Variants in ZC3H12B observed in about 807,000 individuals in gnomAD.
The protein encoded by ZC3H12B is probable ribonuclease ZC3H12B.
Under a neutral mutation model 43.9 loss-of-function variants are expected in ZC3H12B, and 7 were observed. That is an observed-to-expected ratio of 0.16 (90% CI 0.09 to 0.30). The LOEUF (loss-of-function observed/expected upper bound fraction) is 0.30, where lower values mean the gene tolerates loss of function less well. ZC3H12B is among the 10% of genes least tolerant of loss of function. The pLI, the probability that ZC3H12B is intolerant of heterozygous loss-of-function variation, is 1.00. For missense variants in ZC3H12B, 475 were observed against 670.2 expected, an observed-to-expected ratio of 0.71 and a Z score of 3.22; for synonymous variants, 222 against 241.7, an observed-to-expected ratio of 0.92 and a Z score of 0.76.
At chrX:65,347,679 G>T in the ZC3H12B span, among the ~76,000 whole-genome samples, 2 of 112,305 alleles carry the variant, frequency 1.8e-5, no homozygotes, top group East Asian at 5.6e-4. Flanking sequence ...TCAGTGTGGC[G>T]ATTCCTCAAG....
the ZC3H12B span, among the ~76,000 whole-genome samples, chrX:65,254,216 C>T: frequency 1.8e-5 from 2 of 112,627 alleles, no homozygotes; most frequent in Non-Finnish European, 3.8e-5. Context: ...ACTGCCACTG[C>T]TGGAAACACC....
At chrX:65,306,708 C>T in the ZC3H12B span, among the ~76,000 whole-genome samples, 2 of 111,807 alleles carry the variant, frequency 1.8e-5, no homozygotes, top group Non-Finnish European at 3.8e-5. Context: ...GAAATGAAAG[C>T]ATAGGTGCAT....
the ZC3H12B span, among the ~76,000 whole-genome samples, chrX:65,310,036 C>T: frequency 8.9e-6 from 1 of 111,868 alleles, no homozygotes; most frequent in Admixed American, 9.5e-5. Flanking sequence ...GACTCACAGC[C>T]AATATCATAC....
chrX:65,158,887 A>T, the ZC3H12B span, among the ~76,000 whole-genome samples: 1 of 111,795 alleles, frequency 8.9e-6, no homozygotes. Context: ...GTTTTCTTCT[A>T]GGGTTTTTAT....
the ZC3H12B span, among the ~76,000 whole-genome samples, chrX:65,167,431 T>C: frequency 8.9e-6 from 1 of 111,797 alleles, no homozygotes; most frequent in Non-Finnish European, 1.9e-5. Context: ...TACCATGCTG[T>C]TTTGGTTACT....
At chrX:65,202,172 A>T in the ZC3H12B span, among the ~76,000 whole-genome samples, 2 of 89,963 alleles carry the variant, frequency 2.2e-5, no homozygotes, top group Non-Finnish European at 4.5e-5. Context: ...TATAATATAT[A>T]TTATATGTAA....
At chrX:65,096,802 G>C in the ZC3H12B span, among the ~76,000 whole-genome samples, 3 of 111,139 alleles carry the variant, frequency 2.7e-5, no homozygotes, top group South Asian at 3.8e-4. Context: ...AAAAATAATC[G>C]TTTTTATATT....
chrX:65,133,593 G>T, the ZC3H12B span, among the ~76,000 whole-genome samples: 2 of 111,629 alleles, frequency 1.8e-5, no homozygotes, highest in Non-Finnish European at 3.8e-5. Context: ...TTGGGCAGGT[G>T]GGGGACAGCT....
chrX:65,266,347 C>A, the ZC3H12B span, among the ~76,000 whole-genome samples: 1 of 111,247 alleles, frequency 9.0e-6, no homozygotes. Flanking sequence ...ACCAAACTAT[C>A]CCTAGAATGA....
chrX:65,057,396 T>C, the ZC3H12B span, among the ~76,000 whole-genome samples: 1 of 111,871 alleles, frequency 8.9e-6, no homozygotes. Flanking sequence ...TTCTTAAAAA[T>C]GTTGAATATT....
the ZC3H12B span, among the ~76,000 whole-genome samples, chrX:65,281,944 G>A: frequency 8.1e-5 from 9 of 111,671 alleles, no homozygotes; most frequent in African/African-American, 2.9e-4. Flanking sequence ...AGGACGCAAG[G>A]ACGGTTAAAC....
At chrX:65,134,331 G>A in the ZC3H12B span, among the ~76,000 whole-genome samples, 1 of 111,176 alleles carries the variant, frequency 9.0e-6, no homozygotes, top group Non-Finnish European at 1.9e-5. Flanking sequence ...CACCAATGGA[G>A]TGTGGGTGAA....
the ZC3H12B span, among the ~76,000 whole-genome samples, chrX:65,152,973 G>A: frequency 5.4e-5 from 6 of 111,838 alleles, no homozygotes; most frequent in African/African-American, 9.8e-5. Flanking sequence ...AGAAACACAA[G>A]CAATGGGGAA....
chrX:65,438,022 C>G (rs1226333187), intron 3 of ZC3H12B, among the ~76,000 whole-genome samples: 1 of 112,275 alleles, frequency 8.9e-6, no homozygotes, highest in Non-Finnish European at 1.9e-5. Flanking sequence ...ATGTTCTTGA[C>G]ACCTTTGTCA....
At chrX:65,385,649 A>G (rs1348574384) in intron 2 of ZC3H12B, among the ~76,000 whole-genome samples, 1 of 110,898 alleles carries the variant, frequency 9.0e-6, no homozygotes, top group Admixed American at 9.6e-5. Flanking sequence ...TTTATCCTGC[A>G]TGATTGCTCT....
chrX:65,123,131 C>T, the ZC3H12B span, among the ~76,000 whole-genome samples: 6 of 111,984 alleles, frequency 5.4e-5, no homozygotes, highest in Admixed American at 5.7e-4. Context: ...GAGTTTTTAG[C>T]ATGAAATGCT....
At chrX:65,248,809 G>C in the ZC3H12B span, among the ~76,000 whole-genome samples, 1 of 111,565 alleles carries the variant, frequency 9.0e-6, no homozygotes, top group Non-Finnish European at 1.9e-5. Flanking sequence ...TTGTGGTTTT[G>C]ATTTACATTT....
the ZC3H12B span, among the ~76,000 whole-genome samples, chrX:65,169,167 A>T: frequency 8.9e-6 from 1 of 111,747 alleles, no homozygotes; most frequent in Middle Eastern, 4.6e-3. Flanking sequence ...TCTCGTGGTC[A>T]TTTAGTGCTA....
At chrX:65,193,852 G>T in the ZC3H12B span, among the ~76,000 whole-genome samples, 1 of 111,345 alleles carries the variant, frequency 9.0e-6, no homozygotes, top group African/African-American at 3.3e-5. Context: ...ACCTGAGAAT[G>T]GGAAATTTAT....
Sources: allele counts gnomAD v4.1 joint callset (sites outside exome capture counted in the v4.1 genomes callset), GRCh38; gene constraint gnomAD v4.1.1; transcripts MANE v1.5; gene names NCBI Gene and HGNC (gene_info 2026-07-23, HGNC 2026-07-21).